PDZRN4: variants seen among roughly 807,000 people sequenced by gnomAD.
The protein encoded by PDZRN4 is PDZ domain containing ring finger 4, also known as PDZ domain-containing RING finger protein 4.
A neutral mutation model predicts 99.0 loss-of-function variants in PDZRN4; 70 were observed. The observed-to-expected ratio is 0.71, with a 90% CI of 0.58 to 0.86. The LOEUF (loss-of-function observed/expected upper bound fraction) is 0.86. Ranked by LOEUF, PDZRN4 falls within the 40% of genes least tolerant of loss-of-function variation. The pLI is 0.00. For missense variants in PDZRN4, 1,474 were observed against 1,331.2 expected, an observed-to-expected ratio of 1.11 and a Z score of -1.67; for synonymous variants, 551 against 501.6, an observed-to-expected ratio of 1.10 and a Z score of -1.32.
chr12:41,307,698 C>G (rs1951581127), intron 3 of PDZRN4, among the ~76,000 whole-genome samples: 1 of 151,284 alleles, frequency 6.6e-6, no homozygotes, highest in Non-Finnish European at 1.5e-5. Flanking sequence ...CACATTTCTT[C>G]CAGAACAATC....
intron 3 of PDZRN4, among the ~76,000 whole-genome samples, chr12:41,362,237 C>T (rs886322547): frequency 2.0e-5 from 3 of 151,974 alleles, no homozygotes; most frequent in Admixed American, 6.6e-5. Context: ...GACTCCTCCA[C>T]CCACCCTTGC....
chr12:41,220,228 G>C (rs964087287), intron 3 of PDZRN4, among the ~76,000 whole-genome samples: 32 of 152,226 alleles, frequency 2.1e-4, no homozygotes, highest in African/African-American at 7.7e-4. Context: ...TCAAGTGTCG[G>C]CTGGGTTAGT....
chr12:41,438,901 T>C (rs1187306575), intron 3 of PDZRN4, among the ~76,000 whole-genome samples: 1 of 152,212 alleles, frequency 6.6e-6, no homozygotes, highest in Non-Finnish European at 1.5e-5. Flanking sequence ...GACACAGTGC[T>C]ACATTTGTTC....
chr12:41,568,523 C>T (rs1001317824), intron 9 of PDZRN4, among the ~76,000 whole-genome samples: 4 of 152,106 alleles, frequency 2.6e-5, no homozygotes, highest in Non-Finnish European at 4.4e-5. Flanking sequence ...ATTCATTCAA[C>T]TAAACACTTT....
chr12:41,541,502 G>A (rs1938854797), intron 5 of PDZRN4, among the ~76,000 whole-genome samples: 1 of 150,006 alleles, frequency 6.7e-6, no homozygotes, highest in Admixed American at 6.6e-5. Context: ...AGGCTGGAGT[G>A]GAGTGCAGTG....
At chr12:41,429,003 G>A (rs911970271) in intron 3 of PDZRN4, among the ~76,000 whole-genome samples, 3 of 152,184 alleles carry the variant, frequency 2.0e-5, no homozygotes, top group African/African-American at 4.8e-5. Flanking sequence ...TATGGAGAAC[G>A]TGTGGAGAAA....
intron 5 of PDZRN4, among the ~76,000 whole-genome samples, chr12:41,511,968 A>C (rs1938313860): frequency 6.6e-6 from 1 of 152,074 alleles, no homozygotes; most frequent in South Asian, 2.1e-4. Flanking sequence ...GCTTCCTTAT[A>C]ACCCTATAGC....
At chr12:41,343,382 C>G (rs1951830315) in intron 3 of PDZRN4, among the ~76,000 whole-genome samples, 2 of 151,998 alleles carry the variant, frequency 1.3e-5, no homozygotes, top group South Asian at 4.1e-4. Flanking sequence ...TTTTGTTTAT[C>G]TTTTCAAGGA....
At chr12:41,453,665 C>A (rs998365256) in intron 3 of PDZRN4, among the ~76,000 whole-genome samples, 1 of 152,174 alleles carries the variant, frequency 6.6e-6, no homozygotes, top group African/African-American at 2.4e-5. Context: ...ACTCATCCAT[C>A]TTCTTGTCCC....
intron 3 of PDZRN4, among the ~76,000 whole-genome samples, chr12:41,379,369 A>T (rs1416814801): frequency 7.0e-6 from 1 of 142,780 alleles, no homozygotes; most frequent in African/African-American, 2.6e-5. Flanking sequence ...TATTTCATTT[A>T]TTTAATAAAT....
chr12:41,208,851 T>C (rs1479526709), intron 3 of PDZRN4, among the ~76,000 whole-genome samples: 18 of 151,962 alleles, frequency 1.2e-4, no homozygotes, highest in Admixed American at 1.2e-3. Flanking sequence ...TTCCTTTTCT[T>C]TCCTTTTTTT....
Position 41,573,140 on chromosome 12 carries a change from T to C in PDZRN4, c.2361T>C (p.Ser787=), listed in dbSNP as rs767263907. Residue 787 remains serine (S), a synonymous_variant, in exon 10 of 10, where the codon AGT becomes AGC. Coordinates refer to ENST00000402685, the MANE Select transcript of PDZRN4 (RefSeq NM_001164595.2). The stretch of plus-strand genomic sequence containing the variant: ...CCCAGTCCTCTTCCGGACAGAGCAG[T>C]AAAGAGTCGACCTCCACCAAAGCCA... ...AATQSSSGQS[S]KESTSTKAKT... The C allele has an allele frequency of 8.7e-6, 14 of 1,613,912 alleles. No individual in the cohort carries two copies. Among genetic ancestry groups the C allele is most frequent in the Non-Finnish European group, 1.1e-5 (13 of 1,179,998 alleles).
At chr12:41,431,455 C>T (rs1395271143) in intron 3 of PDZRN4, among the ~76,000 whole-genome samples, 1 of 152,114 alleles carries the variant, frequency 6.6e-6, no homozygotes, top group East Asian at 1.9e-4. Flanking sequence ...ACTCCAGAAA[C>T]CATGCTTAAC....
intron 3 of PDZRN4, among the ~76,000 whole-genome samples, chr12:41,327,790 GT>G (rs1951719416): frequency 6.6e-6 from 1 of 152,052 alleles, no homozygotes; most frequent in African/African-American, 2.4e-5. Flanking sequence ...CTCTCTGTAT[GT>G]TGGTATATGT....
Position 41,200,130 on chromosome 12 carries a change from A to G in PDZRN4, c.843+5942A>G, listed in dbSNP as rs117533035. Among the ~76,000 whole-genome samples, 752 of 152,298 alleles carry G rather than the reference A, an allele frequency of 4.9e-3. 2 individuals are homozygous for G. Among genetic ancestry groups the G allele is most frequent in the Non-Finnish European group, 8.6e-3 (588 of 68,022 alleles). The stretch of plus-strand genomic sequence containing the variant: ...CTCCTAGAAGTTAGTTTAATTCATG[A>G]TTACAAATCATTAAATCGAGTAGGG... On this transcript the variant is annotated intron_variant, in intron 3 of 9. Coordinates refer to ENST00000402685, the MANE Select transcript of PDZRN4 (RefSeq NM_001164595.2).
intron 3 of PDZRN4, among the ~76,000 whole-genome samples, chr12:41,290,954 A>G (rs897139772): frequency 1.1e-4 from 17 of 152,132 alleles, no homozygotes; most frequent in African/African-American, 4.1e-4. Flanking sequence ...TGAACAAAGC[A>G]TACATTTAAA....
chr12:41,353,819 T>G (rs1374150621), intron 3 of PDZRN4, among the ~76,000 whole-genome samples: 4 of 152,098 alleles, frequency 2.6e-5, no homozygotes, highest in African/African-American at 9.7e-5. Flanking sequence ...AGTTAGAATT[T>G]TCTGTTGTTT....
In PDZRN4 at chr12:41,322,852, T is replaced by C. The variant is rs185752950; in HGVS notation, c.843+128664T>C. Reference sequence around the variant, plus strand: ...ATTTAAAGGAATCTGAATTATGATCTTTTTCTCGATTTCTTTCCTTTTTTC... The same window carrying C: ...ATTTAAAGGAATCTGAATTATGATCCTTTTCTCGATTTCTTTCCTTTTTTC... On this transcript the variant is annotated intron_variant, in intron 3 of 9. Coordinates refer to ENST00000402685, the MANE Select transcript of PDZRN4 (RefSeq NM_001164595.2). Among the ~76,000 whole-genome samples, 27 of 151,838 alleles carry C rather than the reference T, an allele frequency of 1.8e-4. No individual in the cohort carries two copies. The East Asian group carries it at 5.2e-3, about 29-fold the overall frequency.
intron 3 of PDZRN4, among the ~76,000 whole-genome samples, chr12:41,243,548 T>C (rs1272114847): frequency 3.9e-5 from 6 of 152,202 alleles, no homozygotes; most frequent in Non-Finnish European, 7.4e-5. Context: ...GTTAAAAATA[T>C]TTTCAGTTAG....
Sources: allele counts gnomAD v4.1 joint callset (sites outside exome capture counted in the v4.1 genomes callset), GRCh38; gene constraint gnomAD v4.1.1; transcripts MANE v1.5; gene names NCBI Gene and HGNC (gene_info 2026-07-23, HGNC 2026-07-21).